The following TMEM229B variants were observed in gnomAD, a reference collection of about 807,000 sequenced individuals.
TMEM229B encodes transmembrane protein 229B, also known as chromosome 14 open reading frame 83.
A neutral mutation model predicts 13.7 loss-of-function variants in TMEM229B; 6 were observed. The observed-to-expected ratio is 0.44, with a 90% CI of 0.24 to 0.86. The LOEUF is 0.86. TMEM229B is among the 40% of genes least tolerant of loss of function. The pLI is 0.23. For synonymous variants in TMEM229B, 107 were observed against 102.1 expected, an observed-to-expected ratio of 1.05 and a Z score of -0.29; for missense variants, 170 against 236.0, an observed-to-expected ratio of 0.72 and a Z score of 1.83.
upstream of TMEM229B, among the ~76,000 whole-genome samples, chr14:67,492,727 C>A (rs949253774): frequency 6.6e-6 from 1 of 152,216 alleles, no homozygotes; most frequent in Non-Finnish European, 1.5e-5. Context: ...TTCTAAACAA[C>A]AAGGGAACTT....
chr14:67,527,381 T>C (rs1390286948), intron 1 of TMEM229B, among the ~76,000 whole-genome samples: 4 of 152,116 alleles, frequency 2.6e-5, no homozygotes. Flanking sequence ...GAGGTTGCAG[T>C]GAGCCGATAT....
At chr14:67,481,233 T>C (rs1372377665) in intron 2 of TMEM229B, among the ~76,000 whole-genome samples, 1 of 152,100 alleles carries the variant, frequency 6.6e-6, no homozygotes, top group Non-Finnish European at 1.5e-5. Flanking sequence ...CAGTGAGCTA[T>C]GATTGTGCCA....
At chr14:67,528,126 G>C (rs2033395188) in intron 1 of TMEM229B, among the ~76,000 whole-genome samples, 1 of 152,162 alleles carries the variant, frequency 6.6e-6, no homozygotes, top group South Asian at 2.1e-4. Flanking sequence ...GGTGAGGTAG[G>C]GCTGGGAGAC....
chr14:67,484,895 T>C (rs887192958), intron 2 of TMEM229B, among the ~76,000 whole-genome samples: 4 of 152,250 alleles, frequency 2.6e-5, no homozygotes, highest in African/African-American at 9.6e-5. Context: ...CATTTTTACT[T>C]GTCATAACTG....
intron 1 of TMEM229B, among the ~76,000 whole-genome samples, chr14:67,495,704 G>A (rs1453822498): frequency 6.6e-6 from 1 of 152,088 alleles, no homozygotes; most frequent in African/African-American, 2.4e-5. Context: ...GGCTGGTCTT[G>A]AACTCCTGAC....
At chr14:67,474,654 C>A (rs1461704791) in intron 2 of TMEM229B, among the ~76,000 whole-genome samples, 1 of 152,168 alleles carries the variant, frequency 6.6e-6, no homozygotes, top group Non-Finnish European at 1.5e-5. Flanking sequence ...CACCACCAAC[C>A]ATCTCCAGAA....
At chr14:67,528,436 T>C (rs2033399370) in intron 1 of TMEM229B, among the ~76,000 whole-genome samples, 1 of 152,216 alleles carries the variant, frequency 6.6e-6, no homozygotes, top group Non-Finnish European at 1.5e-5. Flanking sequence ...TGCCACCTAC[T>C]TAAAGCTGGT....
At chr14:67,512,987 G>C (rs140031779) in intron 1 of TMEM229B, among the ~76,000 whole-genome samples, 1 of 152,250 alleles carries the variant, frequency 6.6e-6, no homozygotes, top group African/African-American at 2.4e-5. Flanking sequence ...ATGTAAATCT[G>C]ATACAACCGA....
intron 1 of TMEM229B, among the ~76,000 whole-genome samples, chr14:67,529,480 A>G (rs920940106): frequency 6.6e-6 from 1 of 152,230 alleles, no homozygotes; most frequent in Non-Finnish European, 1.5e-5. Flanking sequence ...AACTGAATGA[A>G]TAAATGAAAG....
intron 1 of TMEM229B, among the ~76,000 whole-genome samples, chr14:67,502,538 C>T (rs553300353): frequency 3.6e-4 from 55 of 150,686 alleles, no homozygotes; most frequent in African/African-American, 1.1e-3. Flanking sequence ...CTGCAACCTC[C>T]GCCTCCGAGA....
chr14:67,503,070 G>T (rs538779039), intron 1 of TMEM229B, among the ~76,000 whole-genome samples: 3 of 152,108 alleles, frequency 2.0e-5, no homozygotes, highest in Non-Finnish European at 4.4e-5. Flanking sequence ...GCAGATAACC[G>T]CACGCTAACA....
intron 1 of TMEM229B, among the ~76,000 whole-genome samples, chr14:67,511,490 C>T: frequency 6.6e-6 from 1 of 152,314 alleles, no homozygotes; most frequent in Middle Eastern, 3.4e-3. Context: ...ACCAGCCACA[C>T]TGGGAGCCGA....
chr14:67,531,273 T>C lies in TMEM229B; in HGVS notation c.-192+2363A>G, dbSNP rs147628821. Among the ~76,000 whole-genome samples, 16 of 152,222 alleles carry C rather than the reference T, an allele frequency of 1.1e-4. No individual in the cohort carries two copies. In the East Asian group the frequency reaches 2.9e-3, roughly 28 times the overall value. On this transcript the variant is annotated intron_variant, in intron 1 of 2. Coordinates refer to the TMEM229B transcript ENST00000554278. ...TAGCTTAGGCAACAGAGCAAGATCT[T>C]ATCTCTTAAAAGAAAACAACAACAA... is the stretch of plus-strand genomic sequence containing the variant.
In TMEM229B at chr14:67,473,247, C is replaced by T. The variant is rs1438538894; in HGVS notation, c.*173G>A. 5.9e-6 allele frequency: 5 copies of T among 845,652 alleles called. No individual in the cohort carries two copies. Among genetic ancestry groups the T allele is most frequent in the East Asian group, 5.4e-5 (2 of 37,350 alleles). The allele number at this position is 845,652 out of a possible 1,614,324, so 52.4% of individuals were successfully genotyped here. The stretch of plus-strand genomic sequence containing the variant: ...CCACACCCCATCCCCCAACACCTGA[C>T]CACGGCCCCCCAACACCGGCCCCCG... On this transcript the variant is annotated 3_prime_UTR_variant, in exon 3 of 3. Transcript: ENST00000554480. The surrounding 1 kb of genome is among the most constrained non-coding windows in gnomAD (Gnocchi z 6.5).
chr14:67,533,298 C>G (rs1427541736), intron 1 of TMEM229B: 1 of 151,844 alleles, frequency 6.6e-6, no homozygotes, highest in Non-Finnish European at 1.5e-5. Context: ...CCGGCGGCAG[C>G]CCGGGACTCC....
In TMEM229B at chr14:67,473,990, C is replaced by T. The variant is rs1408593817; in HGVS notation, c.-18-49G>A. On this transcript the variant is annotated intron_variant, in intron 2 of 2. Transcript: ENST00000554480. The surrounding 1 kb of genome is among the most constrained non-coding windows in gnomAD (Gnocchi z 6.5). ...GGTGAGGGCCGGGCGCGGTGGCTCA[C>T]GCCTATAATCCCTGCGCTTTGGGAG... 63 of 1,488,722 alleles carry T rather than the reference C, an allele frequency of 4.2e-5. No individual in the cohort carries two copies. Among genetic ancestry groups the T allele is most frequent in the Non-Finnish European group, 5.4e-5 (61 of 1,120,222 alleles). The allele number at this position is 1,488,722 out of a possible 1,614,324, so 92.2% of individuals were successfully genotyped here. A position where few individuals can be genotyped will look rare whatever the true frequency, so the allele number is the denominator to read the frequency against.
intron 1 of TMEM229B, among the ~76,000 whole-genome samples, 174 bp downstream of exon 1, chr14:67,488,334 G>A (rs369272295): frequency 6.6e-6 from 1 of 152,362 alleles, no homozygotes; most frequent in Admixed American, 6.5e-5. Context: ...GGGCAGGAGT[G>A]GGGGAACTGA....
At chr14:67,507,219 T>C (rs1225223734) in intron 1 of TMEM229B, among the ~76,000 whole-genome samples, 1 of 151,992 alleles carries the variant, frequency 6.6e-6, no homozygotes, top group African/African-American at 2.4e-5. Flanking sequence ...ATATAGGTGG[T>C]GCAACTACAG....
exon 1 of TMEM229B, chr14:67,533,666 C>G (rs1194273374): frequency 6.6e-6 from 1 of 152,152 alleles, no homozygotes; most frequent in Non-Finnish European, 1.5e-5. Flanking sequence ...GATCCAGCCG[C>G]TCCTGGGAAG....
Sources: gnomAD v4.1 joint callset for allele counts (sites outside exome capture counted in the v4.1 genomes callset) on GRCh38, gnomAD v4.1.1 for gene constraint, Gnocchi (gnomAD v3.1) non-coding constraint, MANE v1.5 for transcripts, NCBI Gene and HGNC (gene_info 2026-07-23, HGNC 2026-07-21) for gene names.